The following ERCC6L variants were observed in gnomAD, a reference collection of about 807,000 sequenced individuals.
ERCC6L encodes DNA excision repair protein ERCC-6-like.
A neutral mutation model predicts 20.1 loss-of-function variants in ERCC6L; 7 were observed. The ratio of observed to expected loss-of-function variants is 0.35; its 90% confidence interval spans 0.20 to 0.65. The LOEUF (loss-of-function observed/expected upper bound fraction) is 0.65. Among genes scored for constraint, ERCC6L ranks in the 30% least tolerant of loss-of-function variants. The probability of loss-of-function intolerance (pLI) is 0.69; values close to 1 mark genes in which losing one functional copy is unlikely to be tolerated. For synonymous variants in ERCC6L, 278 were observed against 331.3 expected (o/e 0.84, Z 1.75); for missense variants, 592 against 892.4 (o/e 0.66, Z 4.29).
At chrX:72,223,188 A>T (rs1325180632) in intron 1 of ERCC6L, among the ~76,000 whole-genome samples, 1 of 100,998 alleles carries the variant, frequency 9.9e-6, no homozygotes, top group African/African-American at 3.6e-5. Flanking sequence ...TACAAAAAAA[A>T]AATTAGCCGG....
At chrX:72,237,637 G>A (rs902290078) in intron 1 of ERCC6L, among the ~76,000 whole-genome samples, 34 of 106,008 alleles carry the variant, frequency 3.2e-4, no homozygotes, top group African/African-American at 1.1e-3. Context: ...GGTGGTGTGC[G>A]CCTGTGGTCC....
At chrX:72,235,875 C>T (rs1445528389) in intron 1 of ERCC6L, among the ~76,000 whole-genome samples, 4 of 111,604 alleles carry the variant, frequency 3.6e-5, no homozygotes, top group African/African-American at 9.8e-5. Context: ...GCTTACCATA[C>T]GAAGGCTATG....
intron 1 of ERCC6L, among the ~76,000 whole-genome samples, chrX:72,228,560 A>T (rs2042966081): frequency 9.0e-6 from 1 of 110,890 alleles, no homozygotes; most frequent in African/African-American, 3.3e-5. Flanking sequence ...CACCTAAACC[A>T]CTTATGTCTC....
chrX:72,211,124 CAT>C (rs1444831962), intron 1 of ERCC6L, among the ~76,000 whole-genome samples: 1 of 112,071 alleles, frequency 8.9e-6, no homozygotes, highest in Non-Finnish European at 1.9e-5. Flanking sequence ...GGAGGGAAAA[CAT>C]GTCCTTTTTA....
At chrX:72,219,492 T>C (rs2042908693) in intron 1 of ERCC6L, among the ~76,000 whole-genome samples, 1 of 108,346 alleles carries the variant, frequency 9.2e-6, no homozygotes, top group Non-Finnish European at 1.9e-5. Context: ...AGATGGAGGT[T>C]GCAGTAAGCC....
At chrX:72,237,670 G>A (rs1256685750) in intron 1 of ERCC6L, among the ~76,000 whole-genome samples, 1 of 109,907 alleles carries the variant, frequency 9.1e-6, no homozygotes, top group Non-Finnish European at 1.9e-5. Flanking sequence ...AAACAGGTGG[G>A]AGGATCGCAT....
intron 1 of ERCC6L, among the ~76,000 whole-genome samples, chrX:72,221,139 A>G (rs753628861): frequency 1.7e-4 from 19 of 111,149 alleles, no homozygotes; most frequent in Non-Finnish European, 3.2e-4. Context: ...TCCACCTCCA[A>G]CTTCCCACAA....
intron 1 of ERCC6L, among the ~76,000 whole-genome samples, chrX:72,214,621 C>T (rs183089457): frequency 3.0e-5 from 3 of 101,693 alleles, no homozygotes; most frequent in Non-Finnish European, 5.9e-5. Context: ...TGCAGTGAGC[C>T]GAGATCATGC....
intron 1 of ERCC6L, 144 bp downstream of exon 1, chrX:72,238,700 A>T: frequency 4.0e-6 from 2 of 504,603 alleles, no homozygotes; most frequent in Non-Finnish European, 6.5e-6. Flanking sequence ...GCTGACTCCC[A>T]CACCCTACTG....
intron 1 of ERCC6L, among the ~76,000 whole-genome samples, chrX:72,233,321 G>A (rs1382753636): frequency 8.9e-6 from 1 of 111,757 alleles, no homozygotes; most frequent in Non-Finnish European, 1.9e-5. Flanking sequence ...TCAAATCATT[G>A]TCATAGAAAT....
intron 1 of ERCC6L, among the ~76,000 whole-genome samples, chrX:72,222,766 T>G (rs1456880912): frequency 9.2e-6 from 1 of 108,523 alleles, no homozygotes; most frequent in Non-Finnish European, 1.9e-5. Context: ...CCCAGCTAAT[T>G]TTTGTATTTT....
chrX:72,235,090 C>A (rs753236973), intron 1 of ERCC6L, among the ~76,000 whole-genome samples: 15 of 112,168 alleles, frequency 1.3e-4, no homozygotes, highest in Non-Finnish European at 2.3e-4. Flanking sequence ...CGTTACAAAT[C>A]ATCACAAATG....
chrX:72,225,938 T>C (rs2147599339), intron 1 of ERCC6L, among the ~76,000 whole-genome samples: 1 of 111,845 alleles, frequency 8.9e-6, no homozygotes, highest in Non-Finnish European at 1.9e-5. Context: ...GCTTAAAAAT[T>C]TTGGTCACAG....
At chrX:72,229,089 C>A (rs944035682) in intron 1 of ERCC6L, among the ~76,000 whole-genome samples, 1 of 111,534 alleles carries the variant, frequency 9.0e-6, no homozygotes, top group African/African-American at 3.3e-5. Context: ...CAACTCCCTG[C>A]AACGCCTCAA....
chrX:72,228,105 A>G (rs1389933923), intron 1 of ERCC6L, among the ~76,000 whole-genome samples: 2 of 111,954 alleles, frequency 1.8e-5, no homozygotes, highest in Non-Finnish European at 3.8e-5. Flanking sequence ...GCCAATCGGG[A>G]CAAATACAGA....
In ERCC6L at chrX:72,224,087, G is replaced by C. The variant is rs772761154; in HGVS notation, c.68+14757C>G. Among the ~76,000 whole-genome samples the C allele has an allele frequency of 4.5e-5, 5 of 111,486 alleles. No homozygotes were observed. In the South Asian group the frequency reaches 1.9e-3, roughly 42 times the overall value. On this transcript the variant is annotated intron_variant, in intron 1 of 1. Transcript: ENST00000334463. ...CTGGAATCCTTCACCCCCACATCCA[G>C]TGAGTCCATGGAACCCAGGGTAATT...
Position 72,205,302 on chromosome X carries a change from G to T in ERCC6L, c.3465C>A (p.Asn1155Lys). ...TAGACGTCATTAACCAGCTGGACTT[G>T]TTTTCTGAAGACAGTGTTTCTCCGG... ...DPSGETLSSENKSSWLMTSKP... is the reference protein window; with the variant it reads ...DPSGETLSSEKKSSWLMTSKP... Residue 1155 changes from asparagine to lysine, a missense_variant, in exon 2 of 2, where the codon AAC becomes AAA. Coordinates refer to ENST00000334463, the MANE Select transcript of ERCC6L (RefSeq NM_017669.4). The T allele has an allele frequency of 8.3e-7, 1 of 1,211,990 alleles. No individual in the cohort carries two copies. Among genetic ancestry groups the T allele is most frequent in the African/African-American group, 1.7e-5 (1 of 57,877 alleles).
rs765093669 is a variant in ERCC6L, at chrX:72,238,942, C to CGGGAGTT, written c.-38_-32dup. On this transcript the variant is annotated 5_prime_UTR_variant, in exon 1 of 2. The change creates a premature stop within an existing upstream ORF in the 5' untranslated region. Transcript: ENST00000334463. ...TCGGATTGGGTTCCAGTTACCCCGG[C>CGGGAGTT]GGGAGTTTGGAGCTTGGAGCTTGGA... 8 of 1,133,005 alleles carry CGGGAGTT rather than the reference C, an allele frequency of 7.1e-6. No individual in the cohort carries two copies. The highest frequency in any genetic ancestry group is 5.4e-5 in the African/African-American group (3 of 55,320). 93.4% of individuals were successfully genotyped at this position (1,133,005 alleles called of 1,213,427 possible).
intron 1 of ERCC6L, among the ~76,000 whole-genome samples, chrX:72,231,291 A>G (rs1288186167): frequency 8.9e-6 from 1 of 112,065 alleles, no homozygotes; most frequent in Non-Finnish European, 1.9e-5. Context: ...CCTAAAAGAC[A>G]TTTTGCTAGG....
Sources: allele counts gnomAD v4.1 joint callset (sites outside exome capture counted in the v4.1 genomes callset), GRCh38; gene constraint gnomAD v4.1.1; transcripts MANE v1.5; gene names NCBI Gene and HGNC (gene_info 2026-07-23, HGNC 2026-07-21).